Variants in GPHN observed in about 807,000 individuals in gnomAD.
GPHN encodes the protein gephyrin.
GPHN carries 17 observed loss-of-function variants against 95.5 expected under a neutral mutation model. That is an observed-to-expected ratio of 0.18 (90% confidence interval 0.12 to 0.27). The LOEUF (loss-of-function observed/expected upper bound fraction) is 0.27, where lower values mean the gene tolerates loss of function less well. Ranked by LOEUF, GPHN falls within the 10% of genes least tolerant of loss-of-function variation. The pLI, the probability that GPHN is intolerant of heterozygous loss-of-function variation, is 1.00. For synonymous variants in GPHN, 320 were observed against 322.5 expected, an observed-to-expected ratio of 0.99 and a Z score of 0.08; for missense variants, 660 against 978.1, an observed-to-expected ratio of 0.67 and a Z score of 4.34.
intron 10 of GPHN, among the ~76,000 whole-genome samples, chr14:67,025,364 A>G (rs1201501498): frequency 6.6e-6 from 1 of 152,140 alleles, no homozygotes; most frequent in East Asian, 1.9e-4. Context: ...CCTGAAAACC[A>G]AGTTTCAGGT....
At chr14:66,992,820 T>C (rs1158271440) in intron 9 of GPHN, among the ~76,000 whole-genome samples, 8 of 152,160 alleles carry the variant, frequency 5.3e-5, no homozygotes, top group Non-Finnish European at 2.9e-5. Context: ...GTGAAAATTA[T>C]ATGAGATTCA....
chr14:66,934,393 A>G (rs942686124), intron 8 of GPHN, among the ~76,000 whole-genome samples: 4 of 152,124 alleles, frequency 2.6e-5, no homozygotes, highest in African/African-American at 9.7e-5. Context: ...TCCAGCAGTC[A>G]TTTTCCATTC....
chr14:66,925,396 C>G (rs72730416), intron 8 of GPHN, among the ~76,000 whole-genome samples: 1 of 152,022 alleles, frequency 6.6e-6, no homozygotes, highest in South Asian at 2.1e-4. Context: ...TTGGGGTACC[C>G]ATTAACCATC....
intron 11 of GPHN, among the ~76,000 whole-genome samples, chr14:67,071,418 G>T (rs2076302096): frequency 6.6e-6 from 1 of 151,662 alleles, no homozygotes; most frequent in African/African-American, 2.4e-5. Flanking sequence ...TCACTCATAG[G>T]TGGGAATTGA....
intron 11 of GPHN, among the ~76,000 whole-genome samples, chr14:67,087,364 G>T (rs1291154291): frequency 6.6e-6 from 1 of 152,172 alleles, no homozygotes; most frequent in Non-Finnish European, 1.5e-5. Context: ...GGTTTACTGT[G>T]ATCCTGGACA....
chr14:66,796,375 G>T (rs924658519), intron 3 of GPHN, among the ~76,000 whole-genome samples: 1 of 151,780 alleles, frequency 6.6e-6, no homozygotes, highest in African/African-American at 2.4e-5. Context: ...TAATGCTGCA[G>T]TAGGATTTCT....
chr14:66,684,248 A>T (rs894741973), intron 2 of GPHN, among the ~76,000 whole-genome samples: 2 of 152,160 alleles, frequency 1.3e-5, no homozygotes, highest in Non-Finnish European at 2.9e-5. Flanking sequence ...AGAAAGGAAG[A>T]CAGAATAATA....
intron 2 of GPHN, among the ~76,000 whole-genome samples, chr14:66,703,888 C>T (rs976094711): frequency 6.6e-6 from 1 of 151,194 alleles, no homozygotes; most frequent in East Asian, 1.9e-4. Context: ...ATTCAGGAGG[C>T]CTATCTCAAG....
At chr14:66,766,992 A>C (rs1288836648) in intron 2 of GPHN, among the ~76,000 whole-genome samples, 5 of 152,012 alleles carry the variant, frequency 3.3e-5, no homozygotes, top group Non-Finnish European at 5.9e-5. Context: ...TAGCTTCTCA[A>C]CTTCCTTGGT....
chr14:66,699,165 C>T (rs1178784029), intron 2 of GPHN, among the ~76,000 whole-genome samples: 5 of 152,084 alleles, frequency 3.3e-5, no homozygotes, highest in African/African-American at 1.2e-4. Context: ...TCTTAGTTTT[C>T]TCAATTGTTA....
chr14:66,726,163 G>A (rs1021283813), intron 2 of GPHN, among the ~76,000 whole-genome samples: 8 of 152,126 alleles, frequency 5.3e-5, no homozygotes, highest in African/African-American at 1.9e-4. Context: ...CAAATCATAT[G>A]CCTTATCTAC....
chr14:67,537,360 A>G, the GPHN span, among the ~76,000 whole-genome samples: 1 of 136,494 alleles, frequency 7.3e-6, no homozygotes, highest in African/African-American at 2.8e-5. Flanking sequence ...AATAATAATA[A>G]TAATAATAAT....
chr14:67,077,639 C>T (rs1375044155), intron 11 of GPHN, among the ~76,000 whole-genome samples: 2 of 152,052 alleles, frequency 1.3e-5, no homozygotes, highest in African/African-American at 4.8e-5. Context: ...CCATTTGAAT[C>T]GATAAAGACT....
chr14:67,370,711 G>A, the GPHN span, among the ~76,000 whole-genome samples: 1 of 152,134 alleles, frequency 6.6e-6, no homozygotes, highest in Non-Finnish European at 1.5e-5. Flanking sequence ...TGAATTTATT[G>A]TAAAAAATCT....
chr14:67,552,591 C>T, the GPHN span, among the ~76,000 whole-genome samples: 1,022 of 152,114 alleles, frequency 6.7e-3, 19 homozygotes, highest in African/African-American at 0.024. Context: ...CACGGTGAAA[C>T]CCCGTCTCTT....
At chr14:67,191,988 G>A in the GPHN span, among the ~76,000 whole-genome samples, 1 of 152,182 alleles carries the variant, frequency 6.6e-6, no homozygotes, top group African/African-American at 2.4e-5. Context: ...AAGGATTGAG[G>A]GGGAGAAAAA....
chr14:66,827,079 T>C (rs1204680885), intron 4 of GPHN, among the ~76,000 whole-genome samples: 1 of 150,226 alleles, frequency 6.7e-6, no homozygotes, highest in African/African-American at 2.5e-5. Flanking sequence ...AGGCAAGGAG[T>C]TCAAGACAAG....
intron 2 of GPHN, among the ~76,000 whole-genome samples, chr14:66,707,066 A>G (rs1180217693): frequency 1.3e-5 from 2 of 148,242 alleles, no homozygotes; most frequent in Non-Finnish European, 3.0e-5. Context: ...AAAAAAAAAA[A>G]CAACATCACT....
the GPHN span, among the ~76,000 whole-genome samples, chr14:67,449,105 G>A: frequency 3.6e-4 from 55 of 152,310 alleles, 1 homozygote; most frequent in African/African-American, 1.2e-3. Flanking sequence ...GGCATCATGA[G>A]GACACACCAG....
Sources: allele counts gnomAD v4.1 joint callset (sites outside exome capture counted in the v4.1 genomes callset), GRCh38; gene constraint gnomAD v4.1.1; transcripts MANE v1.5; gene names NCBI Gene and HGNC (gene_info 2026-07-23, HGNC 2026-07-21).